Variants in STX7 observed in about 807,000 individuals in gnomAD.
STX7 encodes syntaxin 7.
In STX7, 34 loss-of-function variants were observed where a neutral mutation model predicts 39.6. The observed-to-expected ratio is 0.86, with a 90% CI of 0.65 to 1.14. STX7 has a LOEUF of 1.14. Ranked by LOEUF, STX7 falls within the 50% of genes most tolerant of loss-of-function variation. The pLI, the probability that STX7 is intolerant of heterozygous loss-of-function variation, is 0.00. For synonymous variants in STX7, 119 were observed against 99.1 expected (o/e 1.20, Z -1.19); for missense variants, 284 against 310.4 (o/e 0.92, Z 0.64).
At chr6:132,505,021 C>A (rs540790367) in intron 1 of STX7, among the ~76,000 whole-genome samples, 1 of 152,308 alleles carries the variant, frequency 6.6e-6, no homozygotes, top group South Asian at 2.1e-4. Context: ...AAGGGGAAAA[C>A]AACATAAAGG....
chr6:132,497,594 G>A (rs547220350), intron 2 of STX7, among the ~76,000 whole-genome samples: 9 of 151,774 alleles, frequency 5.9e-5, no homozygotes, highest in African/African-American at 1.9e-4. Flanking sequence ...CTTATGTGAT[G>A]TATTTTGATA....
At chr6:132,464,987 A>G (rs1774525910) in intron 8 of STX7, among the ~76,000 whole-genome samples, 1 of 151,906 alleles carries the variant, frequency 6.6e-6, no homozygotes, top group Non-Finnish European at 1.5e-5. Context: ...AACTCAGCCA[A>G]CTCTCTTTGT....
intron 9 of STX7, chr6:132,461,762 C>T (rs904515233): frequency 3.5e-6 from 5 of 1,425,014 alleles, no homozygotes; most frequent in African/African-American, 2.9e-5. Context: ...CATTGAAAAC[C>T]GAATGGTTAA....
intron 1 of STX7, among the ~76,000 whole-genome samples, chr6:132,512,677 C>A (rs1775879700): frequency 6.6e-6 from 1 of 152,230 alleles, no homozygotes; most frequent in Admixed American, 6.5e-5. Flanking sequence ...GGCGCCCTCC[C>A]CGGGGTGCGC....
chr6:132,509,492 C>T (rs200179612), intron 1 of STX7, among the ~76,000 whole-genome samples: 2 of 130,484 alleles, frequency 1.5e-5, no homozygotes. Flanking sequence ...CATAACATAA[C>T]ATAACATAAC....
At chr6:132,489,147 G>C (rs1775213754) in intron 2 of STX7, among the ~76,000 whole-genome samples, 1 of 144,420 alleles carries the variant, frequency 6.9e-6, no homozygotes, top group Admixed American at 7.1e-5. Context: ...GTTGCAGTGA[G>C]CCAAGATTGT....
rs1362902331 is a variant in STX7 at position 132,447,083 on chromosome 6, T to G, written c.*13675A>C. 6.6e-6 allele frequency: 1 copy of G among 152,192 alleles called. No individual in the cohort carries two copies. Among genetic ancestry groups the G allele is most frequent in the Non-Finnish European group, 1.5e-5 (1 of 68,024 alleles). 9.4% of individuals were successfully genotyped at this position (152,192 alleles called of 1,614,324 possible). On this transcript the variant is annotated 3_prime_UTR_variant, in exon 10 of 10. Transcript: ENST00000367941. ...GTAAATACAACCAGTGTGTTAGAAATAATTCCGTATCTCCTAAGATACATT... is the reference window on the plus strand; with the variant it reads ...GTAAATACAACCAGTGTGTTAGAAAGAATTCCGTATCTCCTAAGATACATT...
rs375933989 is a variant in STX7 at position 132,510,917 on chromosome 6, T to C, written c.-59+2090A>G. ...CTCCCAGTTAAAATCCGATATACTG[T>C]AGAATCCTTAAGATTTCCATTTAGC... On this transcript the variant is annotated intron_variant, in intron 1 of 9. Coordinates refer to ENST00000367941, the MANE Select transcript of STX7 (RefSeq NM_003569.3). 6.6e-5 allele frequency among the ~76,000 whole-genome samples: 10 copies of C among 152,366 alleles called. No individual in the cohort carries two copies. In the South Asian group the frequency reaches 1.7e-3, roughly 25 times the overall value.
At chr6:132,492,142 C>G (rs72998865) in intron 2 of STX7, among the ~76,000 whole-genome samples, 9,807 of 152,206 alleles carry the variant, frequency 0.064, 446 homozygotes, top group African/African-American at 0.13. Context: ...CTCCATTCCT[C>G]TAATGGCCAG....
At position 132,448,044 on chromosome 6, in the gene STX7, A is replaced by C. The variant is rs1774055451; in HGVS notation, c.*12714T>G. 1 of 152,038 alleles carries C rather than the reference A, an allele frequency of 6.6e-6. No homozygotes were observed. Among genetic ancestry groups the C allele is most frequent in the East Asian group, 1.9e-4 (1 of 5,188 alleles). 9.4% of individuals were successfully genotyped at this position (152,038 alleles called of 1,614,324 possible). A position where few individuals can be genotyped will look rare whatever the true frequency, so the allele number is the denominator to read the frequency against. Reference sequence around the variant, plus strand: ...TGCTATTCTTTAAAGGTTATCTGAAAATTTTCTGTTAAGTACTTAGATTAA... The same window carrying C: ...TGCTATTCTTTAAAGGTTATCTGAACATTTTCTGTTAAGTACTTAGATTAA... On this transcript the variant is annotated 3_prime_UTR_variant, in exon 10 of 10. Transcript: ENST00000367941.
intron 2 of STX7, among the ~76,000 whole-genome samples, chr6:132,497,327 A>T (rs769099571): frequency 2.0e-5 from 3 of 152,206 alleles, no homozygotes; most frequent in Non-Finnish European, 4.4e-5. Flanking sequence ...ATTCTATTTG[A>T]TTATTGATTC....
chr6:132,475,858 G>C (rs1353506816), intron 2 of STX7, among the ~76,000 whole-genome samples, 196 bp from the exon 3 acceptor site: 2 of 152,076 alleles, frequency 1.3e-5, no homozygotes, highest in Non-Finnish European at 1.5e-5. Flanking sequence ...ATTTTCAAGA[G>C]GAAATTGTGT....
chr6:132,508,136 A>C (rs1244365442), intron 1 of STX7, among the ~76,000 whole-genome samples: 1 of 152,246 alleles, frequency 6.6e-6, no homozygotes, highest in Non-Finnish European at 1.5e-5. Flanking sequence ...CTGTTCTTGC[A>C]GCTGCAGGAC....
intron 2 of STX7, among the ~76,000 whole-genome samples, chr6:132,480,895 T>C (rs1775000077): frequency 6.6e-6 from 1 of 152,236 alleles, no homozygotes; most frequent in Non-Finnish European, 1.5e-5. Flanking sequence ...TTTAGATATA[T>C]TAACTGTTCG....
At chr6:132,480,218 C>G (rs1774982655) in intron 2 of STX7, among the ~76,000 whole-genome samples, 1 of 152,158 alleles carries the variant, frequency 6.6e-6, no homozygotes, top group Admixed American at 6.5e-5. Flanking sequence ...GGATTCACTG[C>G]TCTGCCATGT....
intron 2 of STX7, among the ~76,000 whole-genome samples, chr6:132,488,188 T>C (rs1212189550): frequency 6.6e-6 from 1 of 152,238 alleles, no homozygotes; most frequent in East Asian, 1.9e-4. Flanking sequence ...TTAGGGGATT[T>C]TCCAGGGATC....
At chr6:132,512,285 A>G (rs1433043687) in intron 1 of STX7, among the ~76,000 whole-genome samples, 1 of 151,256 alleles carries the variant, frequency 6.6e-6, no homozygotes, top group Non-Finnish European at 1.5e-5. Flanking sequence ...AAACAAATGT[A>G]AGAAATTTGT....
chr6:132,466,134 A>AC (rs1180910032), intron 8 of STX7, among the ~76,000 whole-genome samples: 1 of 152,056 alleles, frequency 6.6e-6, no homozygotes, highest in African/African-American at 2.4e-5. Context: ...TCATGCTTTC[A>AC]CCTACACTAT....
chr6:132,461,093 T>G (rs537298598), intron 9 of STX7, among the ~76,000 whole-genome samples: 1 of 152,264 alleles, frequency 6.6e-6, no homozygotes, highest in African/African-American at 2.4e-5. Context: ...TCAACTTTCA[T>G]TGGTAATTTT....
Sources: allele counts gnomAD v4.1 joint callset (sites outside exome capture counted in the v4.1 genomes callset), GRCh38; gene constraint gnomAD v4.1.1; transcripts MANE v1.5; gene names NCBI Gene and HGNC (gene_info 2026-07-23, HGNC 2026-07-21).